The following RGS22 variants were observed in gnomAD, a reference collection of about 807,000 sequenced individuals.
RGS22 encodes regulator of G protein signaling 22.
In RGS22, 148 loss-of-function variants were observed where a neutral mutation model predicts 172.9. That is an observed-to-expected ratio of 0.86 (90% confidence interval 0.75 to 0.98). The LOEUF (loss-of-function observed/expected upper bound fraction) is 0.98. Ranked by LOEUF, RGS22 falls within the 50% of genes least tolerant of loss-of-function variation. The pLI is 0.00. For synonymous variants in RGS22, 458 were observed against 480.2 expected, an observed-to-expected ratio of 0.95 and a Z score of 0.60; for missense variants, 1,347 against 1,440.8, an observed-to-expected ratio of 0.93 and a Z score of 1.05.
chr8:99,980,759 G>A (rs1472152444), intron 22 of RGS22, among the ~76,000 whole-genome samples: 1 of 152,164 alleles, frequency 6.6e-6, no homozygotes, highest in Non-Finnish European at 1.5e-5. Flanking sequence ...AGAACCGAAA[G>A]GTATCGGCAG....
chr8:100,037,212 T>C (rs1185462441), intron 14 of RGS22, among the ~76,000 whole-genome samples: 2 of 152,172 alleles, frequency 1.3e-5, no homozygotes, highest in East Asian at 3.9e-4. Flanking sequence ...CAGGATCACT[T>C]GAGCCCAGGA....
chr8:99,977,766 G>A (rs1404732958), intron 23 of RGS22, 151 bp downstream of exon 23: 2 of 590,110 alleles, frequency 3.4e-6, no homozygotes, highest in African/African-American at 2.0e-5. Flanking sequence ...AATTCCAAAA[G>A]TCTGAAGCTT....
At chr8:100,049,473 T>A (rs1001632204) in intron 10 of RGS22, among the ~76,000 whole-genome samples, 2 of 152,128 alleles carry the variant, frequency 1.3e-5, no homozygotes. Flanking sequence ...AGATGAGAAG[T>A]CAGGTTTATA....
chr8:99,994,171 A>G (rs1814086414), intron 20 of RGS22, among the ~76,000 whole-genome samples: 1 of 152,224 alleles, frequency 6.6e-6, no homozygotes, highest in Non-Finnish European at 1.5e-5. Context: ...CTGAATGGGC[A>G]AAAACTGGAA....
chr8:100,105,445 T>C, intron 1 of RGS22, 43 bp from the exon 2 acceptor site: 3 of 1,541,010 alleles, frequency 1.9e-6, no homozygotes, highest in Non-Finnish European at 2.7e-6. Context: ...TCAAATCTGA[T>C]TTCCTTTGAG....
intron 23 of RGS22, among the ~76,000 whole-genome samples, chr8:99,971,119 A>G (rs544218754): frequency 7.2e-5 from 11 of 152,350 alleles, no homozygotes; most frequent in African/African-American, 2.6e-4. Flanking sequence ...AGAACCAATG[A>G]CAAAAACCAC....
At chr8:99,990,043 T>G (rs976074152) in intron 20 of RGS22, among the ~76,000 whole-genome samples, 1 of 152,196 alleles carries the variant, frequency 6.6e-6, no homozygotes, top group Non-Finnish European at 1.5e-5. Flanking sequence ...TATGTTGGAA[T>G]GCACAGCTTG....
chr8:100,100,202 A>G (rs987974906), intron 2 of RGS22, among the ~76,000 whole-genome samples: 2 of 152,118 alleles, frequency 1.3e-5, no homozygotes, highest in Non-Finnish European at 2.9e-5. Context: ...ACTTTAAATC[A>G]ACTCTAGATT....
At chr8:99,974,003 T>TA (rs938261020) in intron 23 of RGS22, among the ~76,000 whole-genome samples, 30 of 152,034 alleles carry the variant, frequency 2.0e-4, no homozygotes, top group African/African-American at 3.1e-4. Context: ...TAAAGTATAA[T>TA]AAAAAAATGC....
intron 14 of RGS22, among the ~76,000 whole-genome samples, chr8:100,015,502 AG>A (rs1401705166): frequency 6.6e-6 from 1 of 152,166 alleles, no homozygotes; most frequent in Non-Finnish European, 1.5e-5. Context: ...CATGTCAGCC[AG>A]GCTGGTCTTG....
intron 14 of RGS22, among the ~76,000 whole-genome samples, chr8:100,016,517 C>T (rs1474069755): frequency 2.6e-5 from 4 of 152,184 alleles, no homozygotes; most frequent in South Asian, 2.1e-4. Context: ...GTGACTCACA[C>T]CTGTAACCCC....
intron 14 of RGS22, among the ~76,000 whole-genome samples, chr8:100,021,204 G>C (rs1254977911): frequency 1.3e-5 from 2 of 152,132 alleles, no homozygotes; most frequent in Non-Finnish European, 2.9e-5. Flanking sequence ...AGTCACACCA[G>C]AATATGCCAA....
chr8:100,062,523 C>CA (rs1201077696), intron 9 of RGS22, 68 bp downstream of exon 9: 3 of 1,064,536 alleles, frequency 2.8e-6, no homozygotes, highest in Admixed American at 2.4e-5. Flanking sequence ...ATCCGTAAGA[C>CA]AAAAAAAGTA....
At chr8:99,967,325 G>A (rs572686703) in intron 23 of RGS22, among the ~76,000 whole-genome samples, 4 of 151,904 alleles carry the variant, frequency 2.6e-5, no homozygotes, top group South Asian at 2.1e-4. Flanking sequence ...AGCTAGCTCC[G>A]GGAGTTTGTT....
chr8:99,993,470 G>A (rs979792201), intron 20 of RGS22, among the ~76,000 whole-genome samples: 1 of 152,132 alleles, frequency 6.6e-6, no homozygotes, highest in South Asian at 2.1e-4. Context: ...ACCACCATGA[G>A]AGAATACTAT....
At chr8:99,989,760 G>A (rs536219120) in intron 20 of RGS22, among the ~76,000 whole-genome samples, 1 of 152,280 alleles carries the variant, frequency 6.6e-6, no homozygotes, top group South Asian at 2.1e-4. Flanking sequence ...CACGAGACTT[G>A]CTTGAACCTG....
intron 14 of RGS22, 54 bp from the exon 15 acceptor site, chr8:100,008,623 A>T: frequency 7.3e-7 from 1 of 1,363,004 alleles, no homozygotes; most frequent in Non-Finnish European, 1.0e-6. Flanking sequence ...CACAATGGTT[A>T]GCAGACACCT....
intron 11 of RGS22, among the ~76,000 whole-genome samples, chr8:100,045,197 C>T (rs2131627972): frequency 6.6e-6 from 1 of 151,922 alleles, no homozygotes; most frequent in South Asian, 2.1e-4. Context: ...TCACTTGAGC[C>T]CAGAAGTTCA....
chr8:100,009,252 T>TA (rs1464081368), intron 14 of RGS22, among the ~76,000 whole-genome samples: 1 of 152,014 alleles, frequency 6.6e-6, no homozygotes, highest in Non-Finnish European at 1.5e-5. Flanking sequence ...CCCCCATCTC[T>TA]ACTAAAAATA....
Sources: gnomAD v4.1 joint callset for allele counts (sites outside exome capture counted in the v4.1 genomes callset) on GRCh38, gnomAD v4.1.1 for gene constraint, MANE v1.5 for transcripts, NCBI Gene and HGNC (gene_info 2026-07-23, HGNC 2026-07-21) for gene names.